The following FAM193A variants were observed in gnomAD, a reference collection of about 807,000 sequenced individuals.
The protein encoded by FAM193A is protein FAM193A.
A neutral mutation model predicts 126.5 loss-of-function variants in FAM193A; 22 were observed. The observed-to-expected ratio is 0.17, with a 90% CI of 0.12 to 0.25. The LOEUF (loss-of-function observed/expected upper bound fraction) is 0.25. Ranked by LOEUF, FAM193A falls within the 10% of genes least tolerant of loss-of-function variation. The probability of loss-of-function intolerance (pLI) is 1.00; values close to 1 mark genes in which losing one functional copy is unlikely to be tolerated. For synonymous variants in FAM193A, 761 were observed against 646.8 expected, an observed-to-expected ratio of 1.18 and a Z score of -2.68; for missense variants, 1,675 against 1,672.8, an observed-to-expected ratio of 1.00 and a Z score of -0.02.
chr4:2,721,229 C>T (rs1720107753), intron 20 of FAM193A, among the ~76,000 whole-genome samples: 1 of 143,374 alleles, frequency 7.0e-6, no homozygotes, highest in South Asian at 2.2e-4. Flanking sequence ...AGGAGAATGG[C>T]GTGAACCTGG....
intron 1 of FAM193A, among the ~76,000 whole-genome samples, chr4:2,540,542 G>A (rs1242811017): frequency 6.6e-6 from 1 of 152,026 alleles, no homozygotes; most frequent in Non-Finnish European, 1.5e-5. Flanking sequence ...CAGCTACTCC[G>A]GAGGCTGAGG....
chr4:2,599,719 G>T (rs1741083032), intron 2 of FAM193A, among the ~76,000 whole-genome samples: 1 of 151,080 alleles, frequency 6.6e-6, no homozygotes, highest in African/African-American at 2.4e-5. Flanking sequence ...TAGCTCACTT[G>T]CTTGTCTTCT....
In FAM193A at chr4:2,721,580, C is replaced by A. The variant is rs140130773; in HGVS notation, c.4454+5476C>A. ...AGGTCTTCAGCCTGACCAAGGAGCC[C>A]CATGGCAAGACCAGAGGAGGTGCTG... On this transcript the variant is annotated intron_variant, in intron 20 of 20. Coordinates refer to ENST00000637812, the MANE Select transcript of FAM193A (RefSeq NM_001366318.2). 5.3e-3 allele frequency among the ~76,000 whole-genome samples: 807 copies of A among 152,350 alleles called. 8 individuals are homozygous for A. Among genetic ancestry groups the A allele is most frequent in the African/African-American group, 0.018 (768 of 41,574 alleles).
intron 2 of FAM193A, chr4:2,615,237 A>G (rs779878230): frequency 3.9e-5 from 6 of 152,382 alleles, no homozygotes; most frequent in Non-Finnish European, 8.8e-5. Context: ...TTTGTTATCA[A>G]CAGCCTTGCA....
intron 13 of FAM193A, among the ~76,000 whole-genome samples, chr4:2,675,481 C>G (rs1359255809): frequency 6.6e-6 from 1 of 152,162 alleles, no homozygotes. Flanking sequence ...AGAATTGACC[C>G]TTTTTCATTA....
chr4:2,704,747 C>A (rs1207623343), intron 19 of FAM193A, among the ~76,000 whole-genome samples: 1 of 152,106 alleles, frequency 6.6e-6, no homozygotes, highest in African/African-American at 2.4e-5. Context: ...AATCCGTTAG[C>A]TACAGTAAGC....
intron 1 of FAM193A, among the ~76,000 whole-genome samples, chr4:2,593,898 C>A (rs1294887154): frequency 6.7e-6 from 1 of 148,208 alleles, no homozygotes; most frequent in African/African-American, 2.5e-5. Context: ...GTCATTTAGG[C>A]TTTTGGGATT....
At chr4:2,680,798 T>C (rs751557638) in intron 13 of FAM193A, among the ~76,000 whole-genome samples, 2 of 151,858 alleles carry the variant, frequency 1.3e-5, no homozygotes, top group African/African-American at 4.8e-5. Flanking sequence ...CCCACCACCA[T>C]GCCCGGCTAA....
At chr4:2,712,786 G>T (rs1315854205) in intron 19 of FAM193A, among the ~76,000 whole-genome samples, 1 of 151,720 alleles carries the variant, frequency 6.6e-6, no homozygotes, top group Non-Finnish European at 1.5e-5. Flanking sequence ...GTGTTGTGGG[G>T]TTTTTTGCTT....
At chr4:2,573,662 G>C (rs1314661594) in intron 1 of FAM193A, among the ~76,000 whole-genome samples, 1 of 152,152 alleles carries the variant, frequency 6.6e-6, no homozygotes, top group Non-Finnish European at 1.5e-5. Flanking sequence ...TTGTGCGTTT[G>C]TTCCAGGAGT....
Position 2,660,055 on chromosome 4 carries a change from G to C in FAM193A, c.1745+1G>C, listed in dbSNP as rs1379884209. The C allele has an allele frequency of 6.2e-7, 1 of 1,613,196 alleles. No individual in the cohort carries two copies. The highest frequency in any genetic ancestry group is 1.7e-5 in the Admixed American group (1 of 59,996). ...CAGACAGTGGCTCGGCACCAACTTTGTAAGTTGTGACTTTGTAATAAAGTT... is the reference window on the plus strand; with the variant it reads ...CAGACAGTGGCTCGGCACCAACTTTCTAAGTTGTGACTTTGTAATAAAGTT... On this transcript the variant is annotated splice_donor_variant, in intron 10 of 20. Transcript: ENST00000637812. LOFTEE classifies it high-confidence loss of function.
At chr4:2,642,022 G>A (rs1744677833) in intron 6 of FAM193A, among the ~76,000 whole-genome samples, 1 of 151,838 alleles carries the variant, frequency 6.6e-6, no homozygotes, top group Non-Finnish European at 1.5e-5. Flanking sequence ...CAGGTGCAGT[G>A]GCTCATGCCT....
At chr4:2,599,935 C>T (rs1395977366) in intron 2 of FAM193A, among the ~76,000 whole-genome samples, 4 of 150,018 alleles carry the variant, frequency 2.7e-5, no homozygotes, top group Non-Finnish European at 5.9e-5. Flanking sequence ...CAGTCTCGCT[C>T]TGTCACCAGG....
chr4:2,662,747 C>G, intron 10 of FAM193A, 91 bp from the exon 11 acceptor site: 1 of 916,982 alleles, frequency 1.1e-6, no homozygotes, highest in Middle Eastern at 2.3e-4. Context: ...AAGCCGTGAT[C>G]TGTCCAGGAA....
chr4:2,664,558 C>CTTTCTT, intron 12 of FAM193A, among the ~76,000 whole-genome samples: 1 of 73,094 alleles, frequency 1.4e-5, no homozygotes. Flanking sequence ...TATTTTCTTT[C>CTTTCTT]TTTTTTTTTT....
chr4:2,709,997 C>G (rs1000670815), intron 19 of FAM193A, among the ~76,000 whole-genome samples: 1 of 152,054 alleles, frequency 6.6e-6, no homozygotes, highest in African/African-American at 2.4e-5. Context: ...GCAAGGTAGT[C>G]TAGTCATAGT....
chr4:2,689,394 G>T, intron 13 of FAM193A, 112 bp from the exon 14 acceptor site: 1 of 724,418 alleles, frequency 1.4e-6, no homozygotes, highest in Non-Finnish European at 2.2e-6. Flanking sequence ...CTCAGCTCAT[G>T]GCGAGCACAT....
chr4:2,598,477 A>G (rs139058412), intron 2 of FAM193A, among the ~76,000 whole-genome samples: 1 of 152,304 alleles, frequency 6.6e-6, no homozygotes, highest in East Asian at 1.9e-4. Context: ...TGCTAAAGTT[A>G]TGTTAATGAT....
intron 15 of FAM193A, 25 bp from the exon 16 acceptor site, chr4:2,693,561 G>A (rs1470425700): frequency 6.3e-7 from 1 of 1,589,004 alleles, no homozygotes; most frequent in Non-Finnish European, 8.6e-7. Context: ...AAACTTGGCA[G>A]TGACTCTCGC....
Sources: allele counts gnomAD v4.1 joint callset (sites outside exome capture counted in the v4.1 genomes callset), GRCh38; gene constraint gnomAD v4.1.1; transcripts MANE v1.5; gene names NCBI Gene and HGNC (gene_info 2026-07-23, HGNC 2026-07-21).